Variants in CDK15 observed in about 807,000 individuals in gnomAD.
The protein encoded by CDK15 is cyclin-dependent kinase 15.
Under a neutral mutation model 60.3 loss-of-function variants are expected in CDK15, and 62 were observed. The observed-to-expected ratio is 1.03, with a 90% CI of 0.84 to 1.27. The LOEUF (loss-of-function observed/expected upper bound fraction) is 1.27. CDK15 is among the 50% of genes most tolerant of loss of function. CDK15 has a pLI of 0.00. For missense variants in CDK15, 541 were observed against 527.8 expected, an observed-to-expected ratio of 1.03 and a Z score of -0.25; for synonymous variants, 194 against 195.7, an observed-to-expected ratio of 0.99 and a Z score of 0.07.
chr2:201,810,988 G>A (rs1028571289), intron 3 of CDK15, among the ~76,000 whole-genome samples: 1 of 151,594 alleles, frequency 6.6e-6, no homozygotes, highest in South Asian at 2.1e-4. Flanking sequence ...GATCACAGGC[G>A]CGTGCCACCA....
At chr2:201,823,609 T>C (rs2105713221) in intron 5 of CDK15, 56 bp from the exon 6 acceptor site, 1 of 1,428,344 alleles carries the variant, frequency 7.0e-7, no homozygotes, top group South Asian at 1.1e-5. Flanking sequence ...TGCTTTAGGA[T>C]GCTATCTAAG....
intron 10 of CDK15, among the ~76,000 whole-genome samples, chr2:201,867,234 T>G (rs1431634503): frequency 6.6e-6 from 1 of 152,178 alleles, no homozygotes; most frequent in African/African-American, 2.4e-5. Flanking sequence ...AGAGAAGTGT[T>G]TGTTGAGTTG....
At chr2:201,869,134 G>A (rs1375024418) in intron 10 of CDK15, among the ~76,000 whole-genome samples, 2 of 152,136 alleles carry the variant, frequency 1.3e-5, no homozygotes, top group East Asian at 3.9e-4. Flanking sequence ...CAACTCAAAT[G>A]TCCATCAATG....
At chr2:201,856,527 C>A (rs1698151515) in intron 10 of CDK15, among the ~76,000 whole-genome samples, 1 of 152,174 alleles carries the variant, frequency 6.6e-6, no homozygotes, top group Non-Finnish European at 1.5e-5. Flanking sequence ...TTCCATTGGT[C>A]TGAGATAGAG....
intron 6 of CDK15, among the ~76,000 whole-genome samples, chr2:201,827,566 T>C (rs189329652): frequency 1.3e-5 from 2 of 152,328 alleles, no homozygotes; most frequent in East Asian, 1.9e-4. Flanking sequence ...GTAGGATATA[T>C]GAAAGGAAAT....
At chr2:201,861,551 G>GTTTTTTTTTTTTTC (rs1428284891) in intron 10 of CDK15, 1 of 627,234 alleles carries the variant, frequency 1.6e-6, no homozygotes, top group East Asian at 1.7e-4. Flanking sequence ...TTGTTGGTTT[G>GTTTTTTTTTTTTTC]TTTTTTTTTT....
intron 10 of CDK15, among the ~76,000 whole-genome samples, chr2:201,867,906 C>G (rs1352928757): frequency 6.6e-6 from 1 of 152,184 alleles, no homozygotes; most frequent in African/African-American, 2.4e-5. Flanking sequence ...TCCCATTTTA[C>G]AGATTTGGAA....
At chr2:201,868,319 G>A (rs772133978) in intron 10 of CDK15, among the ~76,000 whole-genome samples, 11 of 152,152 alleles carry the variant, frequency 7.2e-5, no homozygotes, top group African/African-American at 7.2e-5. Flanking sequence ...TCCCTCTTCT[G>A]CAGGTGGGAA....
chr2:201,870,981 G>A (rs1037062968), intron 10 of CDK15, among the ~76,000 whole-genome samples: 1 of 151,788 alleles, frequency 6.6e-6, no homozygotes, highest in African/African-American at 2.4e-5. Flanking sequence ...TTTTTGTTTG[G>A]GTTAAATGGT....
intron 3 of CDK15, among the ~76,000 whole-genome samples, chr2:201,811,626 A>C (rs1464477477): frequency 6.6e-6 from 1 of 152,250 alleles, no homozygotes; most frequent in Non-Finnish European, 1.5e-5. Context: ...GCTGATATGA[A>C]TAAAATGATG....
chr2:201,838,073 T>C (rs1697205321), intron 8 of CDK15, among the ~76,000 whole-genome samples: 1 of 152,206 alleles, frequency 6.6e-6, no homozygotes, highest in African/African-American at 2.4e-5. Context: ...TTCCTGATTA[T>C]GTTTCACAGA....
Position 201,835,996 on chromosome 2 carries a change from A to ATATATT in CDK15, c.851+241_851+246dup, listed in dbSNP as rs1230760007. Reference sequence around the variant, plus strand: ...TATTTATATATTTTTATATATTTATATATATTTATATTTTTATATTTTTAT... The same window carrying ATATATT: ...TATTTATATATTTTTATATATTTATATATATTTATATTTATATTTTTATATTTTTAT... On this transcript the variant is annotated intron_variant, in intron 8 of 13. Transcript: ENST00000652192. 3.2e-3 allele frequency among the ~76,000 whole-genome samples: 24 copies of ATATATT among 7,516 alleles called. No individual in the cohort carries two copies. The South Asian group carries it at 0.12, about 36-fold the overall frequency. The allele number at this position is 7,516 out of a possible 152,430, so 4.9% of individuals were successfully genotyped here.
intron 11 of CDK15, among the ~76,000 whole-genome samples, chr2:201,879,500 C>T (rs975742687): frequency 1.3e-5 from 2 of 152,178 alleles, no homozygotes; most frequent in African/African-American, 4.8e-5. Context: ...ATGCCTCAGC[C>T]TCCTGAGTAG....
At chr2:201,854,787 C>G in intron 9 of CDK15, 87 bp from the exon 10 acceptor site, 2 of 1,112,050 alleles carry the variant, frequency 1.8e-6, no homozygotes, top group Non-Finnish European at 2.7e-6. Context: ...CTGTTCTTCC[C>G]TGATTTGTCC....
At chr2:201,893,043 G>A (rs1229655421) in intron 13 of CDK15, among the ~76,000 whole-genome samples, 4 of 152,150 alleles carry the variant, frequency 2.6e-5, no homozygotes, top group Non-Finnish European at 5.9e-5. Context: ...TCAAAGCTTG[G>A]CATGTTTTGA....
Position 201,835,743 on chromosome 2 carries a change from T to C in CDK15, c.831T>C (p.Tyr277=). ...PPDALLGATE[Y]SSELDIWGAG... is the part of the protein sequence containing the mutation. ...ATGCTTTGCTGGGAGCCACTGAATATTCCTCTGAGCTGGACATATGGTAAG... is the reference window on the plus strand; with the variant it reads ...ATGCTTTGCTGGGAGCCACTGAATACTCCTCTGAGCTGGACATATGGTAAG... The change falls in exon 8 of 14, where the codon TAT becomes TAC. Residue 277 remains tyrosine (Y), a synonymous_variant. Transcript: ENST00000652192. 1 of 1,609,362 alleles carries C rather than the reference T, an allele frequency of 6.2e-7. No homozygotes were observed. The highest frequency in any genetic ancestry group is 8.5e-7 in the Non-Finnish European group (1 of 1,176,930).
chr2:201,833,716 C>CTTTTTTTTTTTT (rs768867701), intron 6 of CDK15, 132 bp from the exon 7 acceptor site: 1 of 163,936 alleles, frequency 6.1e-6, no homozygotes, highest in African/African-American at 3.3e-5. Context: ...TCTTCTTCTT[C>CTTTTTTTTTTTT]TTTTTTTTTT....
intron 9 of CDK15, among the ~76,000 whole-genome samples, chr2:201,849,969 T>C (rs1036407183): frequency 5.3e-5 from 8 of 152,022 alleles, no homozygotes; most frequent in Admixed American, 4.6e-4. Context: ...GAATTACAGG[T>C]GCCCGCCACC....
At chr2:201,891,473 G>C (rs1192726920) in intron 13 of CDK15, among the ~76,000 whole-genome samples, 1 of 152,184 alleles carries the variant, frequency 6.6e-6, no homozygotes, top group Non-Finnish European at 1.5e-5. Flanking sequence ...CAAAACAAAG[G>C]GGTTTCCGGG....
Sources: allele counts gnomAD v4.1 joint callset (sites outside exome capture counted in the v4.1 genomes callset), GRCh38; gene constraint gnomAD v4.1.1; transcripts MANE v1.5; gene names NCBI Gene and HGNC (gene_info 2026-07-23, HGNC 2026-07-21).